The following ST7 variants were observed in gnomAD, a reference collection of about 807,000 sequenced individuals.
ST7 encodes the protein suppression of tumorigenicity 7, also known as suppressor of tumorigenicity 7 protein.
Under a neutral mutation model 78.7 loss-of-function variants are expected in ST7, and 28 were observed. The observed-to-expected ratio is 0.36, with a 90% CI of 0.26 to 0.49. The LOEUF is 0.49. Among genes scored for constraint, ST7 ranks in the 20% least tolerant of loss-of-function variants. The pLI, the probability that ST7 is intolerant of heterozygous loss-of-function variation, is 0.99. For synonymous variants in ST7, 247 were observed against 249.6 expected, an observed-to-expected ratio of 0.99 and a Z score of 0.10; for missense variants, 418 against 696.0, an observed-to-expected ratio of 0.60 and a Z score of 4.49.
In ST7 at chr7:117,129,909, A is replaced by C. The variant is rs1386350397; in HGVS notation, c.449+62A>C. 2.8e-6 allele frequency: 4 copies of C among 1,403,860 alleles called. No individual in the cohort carries two copies. In the East Asian group the frequency reaches 9.3e-5, roughly 33 times the overall value. The allele number at this position is 1,403,860 out of a possible 1,614,324, so 87.0% of individuals were successfully genotyped here. ...GGTTCAGAGAGCAAAGACAGCAGCA[A>C]ATGTTTTTGCTGGTTCATTTAGGGG... On this transcript the variant is annotated intron_variant, in intron 4 of 15. Coordinates refer to ENST00000323984, the MANE Select transcript of ST7 (RefSeq NM_001369598.1).
chr7:117,212,548 G>A (rs968909849), intron 13 of ST7, among the ~76,000 whole-genome samples: 6 of 151,976 alleles, frequency 3.9e-5, no homozygotes, highest in Non-Finnish European at 8.8e-5. Context: ...ATTATATTTT[G>A]TTGTTTAATA....
At chr7:117,166,704 A>C (rs1043015199) in intron 9 of ST7, among the ~76,000 whole-genome samples, 4 of 152,076 alleles carry the variant, frequency 2.6e-5, no homozygotes, top group Non-Finnish European at 5.9e-5. Context: ...CCTGGCTAAC[A>C]TGGTGAAACC....
chr7:116,983,913 T>A (rs573354193), intron 1 of ST7, among the ~76,000 whole-genome samples: 5 of 152,340 alleles, frequency 3.3e-5, no homozygotes, highest in African/African-American at 1.2e-4. Context: ...GGTCTCATTC[T>A]TGGTTCCAAA....
At chr7:117,212,890 T>C (rs1792404113) in intron 13 of ST7, among the ~76,000 whole-genome samples, 1 of 152,238 alleles carries the variant, frequency 6.6e-6, no homozygotes, top group Admixed American at 6.5e-5. Context: ...CAGACAATCT[T>C]ATCCAGTCTT....
intron 1 of ST7, among the ~76,000 whole-genome samples, chr7:117,014,318 G>T (rs567797074): frequency 3.2e-4 from 49 of 152,034 alleles, no homozygotes; most frequent in African/African-American, 1.2e-3. Context: ...ATGGCTCAGG[G>T]TATGTGGCAA....
intron 1 of ST7, among the ~76,000 whole-genome samples, chr7:117,071,521 A>G (rs1467042978): frequency 6.6e-6 from 1 of 152,238 alleles, no homozygotes; most frequent in East Asian, 1.9e-4. Context: ...TTATTCTTCA[A>G]AGACACCATA....
intron 10 of ST7, among the ~76,000 whole-genome samples, chr7:117,181,053 A>G (rs1808718559): frequency 6.6e-6 from 1 of 152,172 alleles, no homozygotes; most frequent in Non-Finnish European, 1.5e-5. Context: ...TTGGCATAGG[A>G]GATACAGAGA....
intron 1 of ST7, among the ~76,000 whole-genome samples, chr7:117,052,632 C>T (rs774697990): frequency 2.6e-5 from 4 of 152,222 alleles, no homozygotes; most frequent in African/African-American, 7.2e-5. Context: ...CAGTGGCTCA[C>T]GCCTATAATC....
rs201775826 is a variant in ST7, at chr7:117,155,586, G to A, written c.964-15276G>A. Among the ~76,000 whole-genome samples the A allele has an allele frequency of 2.6e-5, 4 of 152,118 alleles. No homozygotes were observed. In the East Asian group the frequency reaches 5.8e-4, roughly 22 times the overall value. On this transcript the variant is annotated intron_variant, in intron 9 of 15. Transcript: ENST00000323984. ...TATATTTGGACATATGTATCTCAAC[G>A]CCCTACCCTTGGTTCATAGGCCTCC...
intron 9 of ST7, among the ~76,000 whole-genome samples, chr7:117,165,437 G>T (rs183078331): frequency 1.3e-5 from 2 of 152,122 alleles, no homozygotes; most frequent in African/African-American, 4.8e-5. Flanking sequence ...GATAATGGAA[G>T]ATTATAAATG....
At chr7:116,983,063 T>A (rs898688937) in intron 1 of ST7, among the ~76,000 whole-genome samples, 3 of 152,108 alleles carry the variant, frequency 2.0e-5, no homozygotes, top group Non-Finnish European at 4.4e-5. Flanking sequence ...CACGCCTGGC[T>A]AATTTTGTAT....
chr7:117,217,875 T>C (rs1359371861), intron 13 of ST7, among the ~76,000 whole-genome samples: 1 of 151,196 alleles, frequency 6.6e-6, no homozygotes, highest in Admixed American at 6.6e-5. Context: ...CGGTGTAGAT[T>C]GACTGCATTC....
At chr7:117,081,976 G>A (rs919027275) in intron 1 of ST7, among the ~76,000 whole-genome samples, 5 of 152,042 alleles carry the variant, frequency 3.3e-5, no homozygotes, top group African/African-American at 1.2e-4. Flanking sequence ...GGTAGGGTGG[G>A]CCATTAATCA....
At chr7:116,988,761 G>A (rs2116369274) in intron 1 of ST7, among the ~76,000 whole-genome samples, 1 of 152,276 alleles carries the variant, frequency 6.6e-6, no homozygotes, top group South Asian at 2.1e-4. Context: ...CCAAATACAG[G>A]AATGGAGATG....
chr7:117,140,126 G>T (rs1805151617), intron 9 of ST7, among the ~76,000 whole-genome samples: 1 of 152,108 alleles, frequency 6.6e-6, no homozygotes, highest in African/African-American at 2.4e-5. Flanking sequence ...CAGTCTCTTG[G>T]TTATCATAAT....
chr7:117,224,976 C>A (rs1793346326), intron 15 of ST7, among the ~76,000 whole-genome samples: 1 of 152,200 alleles, frequency 6.6e-6, no homozygotes, highest in African/African-American at 2.4e-5. Context: ...ACAACCGGAA[C>A]TTTCTTGGTC....
intron 1 of ST7, among the ~76,000 whole-genome samples, chr7:117,055,531 T>C (rs1421090597): frequency 1.3e-5 from 2 of 152,204 alleles, no homozygotes; most frequent in African/African-American, 2.4e-5. Context: ...GAGTGAATAA[T>C]CCTAGATTGT....
chr7:117,134,037 A>G, intron 6 of ST7, 87 bp from the exon 7 acceptor site: 1 of 1,551,140 alleles, frequency 6.4e-7, no homozygotes, highest in Non-Finnish European at 8.7e-7. Context: ...CTCTTTGATT[A>G]CCCTGAACTC....
intron 1 of ST7, among the ~76,000 whole-genome samples, chr7:116,983,516 C>G (rs912805123): frequency 6.6e-6 from 1 of 152,190 alleles, no homozygotes; most frequent in African/African-American, 2.4e-5. Context: ...ACCCAATATC[C>G]TCTACATCCA....
Sources: gnomAD v4.1 joint callset for allele counts (sites outside exome capture counted in the v4.1 genomes callset) on GRCh38, gnomAD v4.1.1 for gene constraint, MANE v1.5 for transcripts, NCBI Gene and HGNC (gene_info 2026-07-23, HGNC 2026-07-21) for gene names.